Variants in KCND2 observed in about 807,000 individuals in gnomAD.
KCND2 encodes A-type voltage-gated potassium channel KCND2.
KCND2 carries 16 observed loss-of-function variants against 54.4 expected under a neutral mutation model. The ratio of observed to expected loss-of-function variants is 0.29; its 90% CI spans 0.20 to 0.45. The LOEUF (loss-of-function observed/expected upper bound fraction) is 0.45, where lower values mean the gene tolerates loss of function less well. Ranked by LOEUF, KCND2 falls within the 20% of genes least tolerant of loss-of-function variation. KCND2 has a pLI of 1.00. For synonymous variants in KCND2, 317 were observed against 310.7 expected, an observed-to-expected ratio of 1.02 and a Z score of -0.21; for missense variants, 486 against 824.2, an observed-to-expected ratio of 0.59 and a Z score of 5.02.
Position 120,273,235 on chromosome 7 carries a change from C to G in KCND2, c.-1398C>G, listed in dbSNP as rs1326441062. Among the ~76,000 whole-genome samples the G allele has an allele frequency of 6.6e-6, 1 of 151,972 alleles. No individual in the cohort carries two copies. The highest frequency in any genetic ancestry group is 1.5e-5 in the Non-Finnish European group (1 of 67,954). On this transcript the variant is annotated 5_prime_UTR_variant, in exon 1 of 6. The change creates a new upstream start codon in the 5' untranslated region. Transcript: ENST00000331113. ...ATTTATTTTCTCCTTATTTATTGAT[C>G]GCACTAGCAGAGCAGCGCGGGGAGC...
intron 1 of KCND2, among the ~76,000 whole-genome samples, chr7:120,600,010 G>T (rs1407848009): frequency 6.6e-6 from 1 of 151,604 alleles, no homozygotes; most frequent in Non-Finnish European, 1.5e-5. Flanking sequence ...GAAAGAAAGT[G>T]AATTTTGACA....
At chr7:120,702,148 T>A (rs1156406103) in intron 1 of KCND2, among the ~76,000 whole-genome samples, 2 of 151,882 alleles carry the variant, frequency 1.3e-5, no homozygotes, top group Admixed American at 6.6e-5. Context: ...ACATGAACAC[T>A]TTAAAAGAAG....
At chr7:120,608,221 A>G (rs143106061) in intron 1 of KCND2, among the ~76,000 whole-genome samples, 11 of 152,258 alleles carry the variant, frequency 7.2e-5, no homozygotes, top group African/African-American at 2.6e-4. Flanking sequence ...CAGACTAGTG[A>G]TGGCAGGATG....
chr7:120,638,053 A>G (rs1176267833), intron 1 of KCND2, among the ~76,000 whole-genome samples: 2 of 152,180 alleles, frequency 1.3e-5, no homozygotes, highest in African/African-American at 2.4e-5. Flanking sequence ...ATTGGCTTAA[A>G]TGGAATACGA....
chr7:120,724,553 G>A (rs1056562993), intron 1 of KCND2, among the ~76,000 whole-genome samples: 1 of 152,196 alleles, frequency 6.6e-6, no homozygotes, highest in African/African-American at 2.4e-5. Flanking sequence ...AGTGGAGGAT[G>A]AGGTGGCCAA....
intron 1 of KCND2, among the ~76,000 whole-genome samples, chr7:120,386,369 C>G (rs1241506132): frequency 1.3e-5 from 2 of 152,124 alleles, no homozygotes; most frequent in Admixed American, 1.3e-4. Context: ...CATTTCTCCT[C>G]TCTGCCCTTC....
intron 1 of KCND2, among the ~76,000 whole-genome samples, chr7:120,371,008 G>T (rs1800757092): frequency 6.6e-6 from 1 of 152,066 alleles, no homozygotes; most frequent in Admixed American, 6.6e-5. Flanking sequence ...CTCCCTAGTT[G>T]CAGCTCTGCT....
chr7:120,414,623 C>A (rs762994365), intron 1 of KCND2, among the ~76,000 whole-genome samples: 4 of 152,130 alleles, frequency 2.6e-5, no homozygotes, highest in Non-Finnish European at 4.4e-5. Flanking sequence ...AATGTCATGT[C>A]ATCTCCGCAA....
Position 120,711,631 on chromosome 7 carries a change from A to C in KCND2, c.1116-21272A>C, listed in dbSNP as rs180991738. On this transcript the variant is annotated intron_variant, in intron 1 of 5. Coordinates refer to ENST00000331113, the MANE Select transcript of KCND2 (RefSeq NM_012281.3). The stretch of plus-strand genomic sequence containing the variant: ...ACCCGTTCTTGTAATTGAAGACTTG[A>C]CATTAATTATTTGTATTTCTTTATG... Among the ~76,000 whole-genome samples the C allele has an allele frequency of 3.0e-4, 45 of 152,288 alleles. 1 individual carries two copies. The highest frequency in any genetic ancestry group is 9.1e-4 in the African/African-American group (38 of 41,584).
chr7:120,667,171 A>G lies in KCND2; in HGVS notation c.1116-65732A>G, dbSNP rs1791937378. The stretch of plus-strand genomic sequence containing the variant: ...CGTGGTGGAATAAGACTCCTACTAT[A>G]GCAAAGGGTTTGATTTCTTATTTTA... On this transcript the variant is annotated intron_variant, in intron 1 of 5. Coordinates refer to ENST00000331113, the MANE Select transcript of KCND2 (RefSeq NM_012281.3). 2.0e-5 allele frequency among the ~76,000 whole-genome samples: 3 copies of G among 152,092 alleles called. No homozygotes were observed. The South Asian group carries it at 6.2e-4, about 32-fold the overall frequency.
intron 1 of KCND2, among the ~76,000 whole-genome samples, chr7:120,296,279 C>T (rs1799512857): frequency 6.6e-6 from 1 of 151,970 alleles, no homozygotes. Context: ...TCATGCTTTT[C>T]CAACTGGAGT....
At chr7:120,570,106 T>C (rs1792344139) in intron 1 of KCND2, among the ~76,000 whole-genome samples, 1 of 152,184 alleles carries the variant, frequency 6.6e-6, no homozygotes, top group African/African-American at 2.4e-5. Flanking sequence ...GTAAATAACT[T>C]CTGTTTGAAC....
chr7:120,353,133 C>CTTTTTTTT (rs72353278), intron 1 of KCND2, among the ~76,000 whole-genome samples: 16 of 91,744 alleles, frequency 1.7e-4, no homozygotes, highest in East Asian at 3.7e-4. Context: ...AATACTTTTA[C>CTTTTTTTT]TTTTTTTTTT....
intron 1 of KCND2, among the ~76,000 whole-genome samples, chr7:120,723,804 G>GA (rs561996847): frequency 8.5e-4 from 130 of 152,286 alleles, no homozygotes; most frequent in African/African-American, 3.0e-3. Flanking sequence ...TGTGACCATG[G>GA]AAAACAGGTA....
Position 120,747,870 on chromosome 7 carries a change from T to A in KCND2, c.*12T>A. 1 of 1,599,622 alleles carries A rather than the reference T, an allele frequency of 6.3e-7. No individual in the cohort carries two copies. The highest frequency in any genetic ancestry group is 1.7e-4 in the Middle Eastern group (1 of 6,028). On this transcript the variant is annotated 3_prime_UTR_variant, in exon 6 of 6. Transcript: ENST00000331113. ...TTTCTGCTTTGTAAGACAATTGGAA[T>A]AAGGTCTAAGAGAATTCGAGCCCTG...
At chr7:120,626,288 G>A (rs1313499811) in intron 1 of KCND2, among the ~76,000 whole-genome samples, 1 of 152,124 alleles carries the variant, frequency 6.6e-6, no homozygotes, top group East Asian at 1.9e-4. Context: ...TCATATTTAA[G>A]CATTCCAGTG....
intron 1 of KCND2, among the ~76,000 whole-genome samples, chr7:120,611,385 A>C (rs1792952727): frequency 6.6e-6 from 1 of 152,206 alleles, no homozygotes; most frequent in Non-Finnish European, 1.5e-5. Flanking sequence ...TGCAGTGTAC[A>C]GTCTTAATCT....
intron 1 of KCND2, among the ~76,000 whole-genome samples, chr7:120,503,826 A>G (rs1290670134): frequency 6.6e-6 from 1 of 152,000 alleles, no homozygotes; most frequent in African/African-American, 2.4e-5. Context: ...TAGAATACAA[A>G]ATAATGAATA....
intron 1 of KCND2, among the ~76,000 whole-genome samples, chr7:120,693,330 A>G (rs887435432): frequency 6.6e-5 from 10 of 152,180 alleles, no homozygotes; most frequent in African/African-American, 2.4e-4. Context: ...GGTATAATTC[A>G]TTACTTTTAT....
Sources: allele counts gnomAD v4.1 joint callset (sites outside exome capture counted in the v4.1 genomes callset), GRCh38; gene constraint gnomAD v4.1.1; transcripts MANE v1.5; gene names NCBI Gene and HGNC (gene_info 2026-07-23, HGNC 2026-07-21).